Variants in PIGB observed in about 807,000 individuals in gnomAD.
The protein encoded by PIGB is GPI alpha-1,2-mannosyltransferase 3.
In PIGB, 58 loss-of-function variants were observed where a neutral mutation model predicts 68.4. The observed-to-expected ratio is 0.85, with a 90% CI of 0.69 to 1.06. The LOEUF (loss-of-function observed/expected upper bound fraction) is 1.06, where lower values mean the gene tolerates loss of function less well. Ranked by LOEUF, PIGB falls within the 50% of genes least tolerant of loss-of-function variation. The pLI, the probability that PIGB is intolerant of heterozygous loss-of-function variation, is 0.00. For missense variants in PIGB, 634 were observed against 655.8 expected (o/e 0.97, Z 0.36); for synonymous variants, 219 against 220.5 (o/e 0.99, Z 0.06).
At chr15:55,332,722 A>G (rs1166187952) in intron 5 of PIGB, among the ~76,000 whole-genome samples, 1 of 152,158 alleles carries the variant, frequency 6.6e-6, no homozygotes, top group East Asian at 1.9e-4. Context: ...ATATAATGGT[A>G]ATATAGGTTG....
At chr15:55,337,726 A>G (rs920077265) in intron 6 of PIGB, among the ~76,000 whole-genome samples, 1 of 152,202 alleles carries the variant, frequency 6.6e-6, no homozygotes, top group Non-Finnish European at 1.5e-5. Context: ...AAAGATGTGT[A>G]AAAGAATGTT....
At chr15:55,338,381 T>A (rs1293602730) in intron 6 of PIGB, among the ~76,000 whole-genome samples, 1 of 152,168 alleles carries the variant, frequency 6.6e-6, no homozygotes, top group African/African-American at 2.4e-5. Flanking sequence ...CACAGTGGCT[T>A]ATATCTGTAA....
chr15:55,347,700 C>T, intron 9 of PIGB, among the ~76,000 whole-genome samples: 1 of 152,178 alleles, frequency 6.6e-6, no homozygotes, highest in East Asian at 1.9e-4. Context: ...CTCTTCCCAG[C>T]ATTTTCTTTA....
At chr15:55,354,591 C>T in intron 10 of PIGB, 2 of 498,144 alleles carry the variant, frequency 4.0e-6, no homozygotes, top group Non-Finnish European at 6.9e-6. Context: ...ATAGGTTATA[C>T]TGCTGCTGCT....
chr15:55,340,455 T>TTAA, intron 7 of PIGB, 157 bp from the exon 8 acceptor site: 1 of 315,066 alleles, frequency 3.2e-6, no homozygotes. Context: ...GACTCCATCT[T>TTAA]AAAAAAAAAA....
chr15:55,320,023 G>A (rs956776782), intron 1 of PIGB: 1 of 283,006 alleles, frequency 3.5e-6, no homozygotes, highest in East Asian at 6.1e-5. Context: ...TTTTTTTTTT[G>A]TATTTATTTT....
Position 55,337,124 on chromosome 15 carries a change from G to C in PIGB, c.795-2143G>C, listed in dbSNP as rs62018104. Reference sequence around the variant, plus strand: ...TATTAAAATGGCCAATAAATATAAAGAGACTCATTTCATTTGTTATCAAGG... The same window carrying C: ...TATTAAAATGGCCAATAAATATAAACAGACTCATTTCATTTGTTATCAAGG... On this transcript the variant is annotated intron_variant, in intron 6 of 11. Transcript: ENST00000164305. Among the ~76,000 whole-genome samples, 3 of 151,742 alleles carry C rather than the reference G, an allele frequency of 2.0e-5. No individual in the cohort carries two copies. In the South Asian group the frequency reaches 6.2e-4, roughly 31 times the overall value.
chr15:55,333,131 G>GTT (rs1434883228), intron 5 of PIGB, among the ~76,000 whole-genome samples: 2 of 151,822 alleles, frequency 1.3e-5, no homozygotes. Context: ...AAGTTATGAG[G>GTT]TAAAAAGCAT....
At chr15:55,351,050 G>A in intron 10 of PIGB, 138 bp downstream of exon 10, 3 of 586,908 alleles carry the variant, frequency 5.1e-6, no homozygotes, top group Admixed American at 3.4e-5. Context: ...TTTATTCACT[G>A]ATGGATTTTA....
chr15:55,347,160 G>C (rs547925981), intron 9 of PIGB, among the ~76,000 whole-genome samples: 1 of 152,234 alleles, frequency 6.6e-6, no homozygotes, highest in Non-Finnish European at 1.5e-5. Context: ...CTGGCTGGGC[G>C]CTGTGGCTCA....
chr15:55,327,615 C>T lies in PIGB; in HGVS notation c.502C>T (p.Gln168Ter), dbSNP rs750897569. The change falls in exon 4 of 12, where the codon CAG becomes TAG. Residue 168 changes from glutamine to a stop codon, truncating the protein, a stop_gained. Transcript: ENST00000164305. LOFTEE classifies it high-confidence loss of function. ...CTCATTAATGAAGCAACTAGAAAAT[C>T]AGGAAGTGGCAAGATGGGTGGTAAG... ...LYSLMKQLENQEVARWVFFCQ... is the reference protein window; with the variant it reads ...LYSLMKQLEN The T allele has an allele frequency of 3.1e-6, 5 of 1,607,174 alleles. No homozygotes were observed. The highest frequency in any genetic ancestry group is 1.3e-5 in the African/African-American group (1 of 74,764).
chr15:55,329,517 G>T (rs568089921), intron 4 of PIGB, among the ~76,000 whole-genome samples: 98 of 152,242 alleles, frequency 6.4e-4, no homozygotes, highest in African/African-American at 2.3e-3. Flanking sequence ...TTCTTAACAT[G>T]AACAAATATA....
intron 6 of PIGB, among the ~76,000 whole-genome samples, chr15:55,337,492 A>T (rs1323805617): frequency 3.9e-5 from 6 of 152,132 alleles, no homozygotes; most frequent in African/African-American, 1.4e-4. Flanking sequence ...CATGCAAGGG[A>T]TCTAGGTTGT....
At position 55,321,386 on chromosome 15, in the gene PIGB, T is replaced by G; in HGVS notation, c.413T>G (p.Leu138Trp). The G allele has an allele frequency of 6.3e-7, 1 of 1,589,294 alleles. No individual in the cohort carries two copies. The highest frequency in any genetic ancestry group is 8.6e-7 in the Non-Finnish European group (1 of 1,168,360). ...CTTTTAGGGAAAGATAGTGTTCAGT[T>G]GCTGGTAAGTTTAAATAAAAGTAAC... The part of the protein sequence containing the change: ...LHLLGKDSVQ[L>W]LIWIPRLAQA... The change falls in exon 3 of 12, where the codon TTG becomes TGG. Residue 138 changes from leucine to tryptophan, a missense_variant. Leu to Trp is a moderately conservative substitution (Grantham distance 61). Coordinates refer to ENST00000164305, the MANE Select transcript of PIGB (RefSeq NM_004855.5).
intron 5 of PIGB, among the ~76,000 whole-genome samples, chr15:55,333,375 C>T (rs1022054194): frequency 1.5e-4 from 23 of 152,246 alleles, no homozygotes; most frequent in Middle Eastern, 3.4e-3. Context: ...GCTGGCGGAT[C>T]GCCTGAGGTC....
intron 3 of PIGB, among the ~76,000 whole-genome samples, chr15:55,327,205 CATATTTATATATAAATATAT>C (rs1175426258): frequency 8.1e-6 from 1 of 123,464 alleles, no homozygotes; most frequent in African/African-American, 3.2e-5. Context: ...TGGTAAATAT[CATATTTATATATAAATATAT>C]ATATTTATAT....
At chr15:55,335,195 G>T (rs1174888746) in intron 6 of PIGB, among the ~76,000 whole-genome samples, 1 of 152,204 alleles carries the variant, frequency 6.6e-6, no homozygotes, top group Non-Finnish European at 1.5e-5. Context: ...TATGATGTTT[G>T]CACAATGATG....
At chr15:55,321,972 C>T (rs562468301) in intron 3 of PIGB, among the ~76,000 whole-genome samples, 5 of 148,026 alleles carry the variant, frequency 3.4e-5, no homozygotes, top group Non-Finnish European at 7.5e-5. Flanking sequence ...GTTGGGAGTT[C>T]GAGACCAGCC....
rs1045769252 is a variant in PIGB, at chr15:55,340,383, G to A, written c.847-229G>A. On this transcript the variant is annotated intron_variant, in intron 7 of 11. Coordinates refer to ENST00000164305, the MANE Select transcript of PIGB (RefSeq NM_004855.5). ...AGGCAGGAGAATGGCGTGAACCCGCGAGGCGGAGCTTGCAGTGAGCCGAGA... is the reference window on the plus strand; with the variant it reads ...AGGCAGGAGAATGGCGTGAACCCGCAAGGCGGAGCTTGCAGTGAGCCGAGA... The A allele has an allele frequency of 1.0e-4, 24 of 233,734 alleles. No homozygotes were observed. In the Admixed American group the frequency reaches 1.2e-3, roughly 11 times the overall value. The allele number at this position is 233,734 out of a possible 1,614,324, so 14.5% of individuals were successfully genotyped here. A position where few individuals can be genotyped will look rare whatever the true frequency, so the allele number is the denominator to read the frequency against.
Sources: allele counts gnomAD v4.1 joint callset (sites outside exome capture counted in the v4.1 genomes callset), GRCh38; gene constraint gnomAD v4.1.1; transcripts MANE v1.5; gene names NCBI Gene and HGNC (gene_info 2026-07-23, HGNC 2026-07-21).